The following OSBPL10 variants were observed in gnomAD, a reference collection of about 807,000 sequenced individuals.
The protein encoded by OSBPL10 is oxysterol binding protein like 10.
Under a neutral mutation model 81.7 loss-of-function variants are expected in OSBPL10, and 49 were observed. That is an observed-to-expected ratio of 0.60 (90% CI 0.48 to 0.76). The LOEUF (loss-of-function observed/expected upper bound fraction) is 0.76, where lower values mean the gene tolerates loss of function less well. OSBPL10 is among the 30% of genes least tolerant of loss of function. The pLI, the probability that OSBPL10 is intolerant of heterozygous loss-of-function variation, is 0.00. For synonymous variants in OSBPL10, 419 were observed against 383.6 expected, an observed-to-expected ratio of 1.09 and a Z score of -1.08; for missense variants, 923 against 987.8, an observed-to-expected ratio of 0.93 and a Z score of 0.88.
At chr3:31,804,386 A>G (rs1699473143) in intron 4 of OSBPL10, among the ~76,000 whole-genome samples, 1 of 152,232 alleles carries the variant, frequency 6.6e-6, no homozygotes. Context: ...GAGGGCACTC[A>G]GCTAGTCAGT....
intron 8 of OSBPL10, among the ~76,000 whole-genome samples, chr3:31,673,251 C>T (rs1033614505): frequency 6.6e-6 from 1 of 152,108 alleles, no homozygotes; most frequent in Non-Finnish European, 1.5e-5. Context: ...TGATCAGGAC[C>T]CTTGGAGAAG....
chr3:31,890,025 TCTGA>T (rs1354884041), intron 1 of OSBPL10, among the ~76,000 whole-genome samples: 1 of 151,962 alleles, frequency 6.6e-6, no homozygotes, highest in East Asian at 1.9e-4. Context: ...AAATGTGGAT[TCTGA>T]CTCTCAACCT....
At chr3:31,913,155 A>C (rs538225750) in intron 1 of OSBPL10, among the ~76,000 whole-genome samples, 1 of 152,108 alleles carries the variant, frequency 6.6e-6, no homozygotes, top group Non-Finnish European at 1.5e-5. Context: ...AGGGGACTAT[A>C]ATACCACCCC....
At chr3:31,759,307 G>A (rs1442923455) in intron 4 of OSBPL10, among the ~76,000 whole-genome samples, 6 of 152,094 alleles carry the variant, frequency 3.9e-5, no homozygotes, top group Admixed American at 3.9e-4. Flanking sequence ...ACCTGAACGG[G>A]ATCCTGAATG....
Position 31,880,390 on chromosome 3 carries a change from A to G in OSBPL10, c.282-560T>C, listed in dbSNP as rs116411097. Reference sequence around the variant, plus strand: ...TAGCAGGCCCATTCACACGAAGGCAAGGAATCCCCCTGCTCTGGGACGTTG... The same window carrying G: ...TAGCAGGCCCATTCACACGAAGGCAGGGAATCCCCCTGCTCTGGGACGTTG... On this transcript the variant is annotated intron_variant, in intron 1 of 11. Transcript: ENST00000396556. 6.6e-3 allele frequency among the ~76,000 whole-genome samples: 1,010 copies of G among 152,348 alleles called. 22 individuals are homozygous for G. The highest frequency in any genetic ancestry group is 0.011 in the South Asian group (54 of 4,830).
intron 1 of OSBPL10, among the ~76,000 whole-genome samples, chr3:31,916,077 C>T (rs1575613978): frequency 8.8e-6 from 1 of 113,962 alleles, no homozygotes; most frequent in African/African-American, 3.5e-5. Context: ...GCCTGGGTGA[C>T]AAGAGTGAAA....
chr3:31,855,195 GTT>G (rs58093141), intron 3 of OSBPL10, among the ~76,000 whole-genome samples: 1 of 151,876 alleles, frequency 6.6e-6, no homozygotes, highest in African/African-American at 2.4e-5. Context: ...TAATTTTTAA[GTT>G]TTTTTGTGCA....
Position 31,988,979 on chromosome 3 carries a change from T to G in OSBPL10, n.298+57512A>C, listed in dbSNP as rs963814909. On this transcript the variant is annotated intron_variant and non_coding_transcript_variant, in intron 2 of 3. Coordinates refer to the OSBPL10 transcript ENST00000479173. ...TGTTTGTTGCCTTAAGCCACGAAGT[T>G]TGTGATAATTTGTTTCTCGGAAACA... 3.3e-6 allele frequency: 5 copies of G among 1,493,330 alleles called. No homozygotes were observed. In the African/African-American group the frequency reaches 7.0e-5, roughly 21 times the overall value. 92.5% of individuals were successfully genotyped at this position (1,493,330 alleles called of 1,614,324 possible).
At chr3:31,842,139 G>A (rs1380018310) in intron 3 of OSBPL10, among the ~76,000 whole-genome samples, 2 of 152,184 alleles carry the variant, frequency 1.3e-5, no homozygotes, top group African/African-American at 4.8e-5. Context: ...GAACTTTAGA[G>A]CTAAAGACTG....
At chr3:31,823,201 A>G (rs1289041172) in intron 4 of OSBPL10, among the ~76,000 whole-genome samples, 1 of 152,218 alleles carries the variant, frequency 6.6e-6, no homozygotes, top group African/African-American at 2.4e-5. Flanking sequence ...CCTCTCTGAC[A>G]TACAATCCAC....
intron 4 of OSBPL10, among the ~76,000 whole-genome samples, chr3:31,807,291 T>C (rs888393417): frequency 1.3e-5 from 2 of 152,034 alleles, no homozygotes; most frequent in Non-Finnish European, 2.9e-5. Flanking sequence ...GGGAATTGCT[T>C]GAACCCAGGA....
intron 2 of OSBPL10, among the ~76,000 whole-genome samples, chr3:32,025,956 A>C (rs1268263735): frequency 6.6e-6 from 1 of 151,968 alleles, no homozygotes; most frequent in Admixed American, 6.6e-5. Context: ...GGTCTTTGCT[A>C]TACATGCCAA....
At chr3:31,914,778 C>A (rs989946887) in intron 1 of OSBPL10, among the ~76,000 whole-genome samples, 2 of 152,116 alleles carry the variant, frequency 1.3e-5, no homozygotes, top group Non-Finnish European at 2.9e-5. Flanking sequence ...ATAAAAAATT[C>A]AATCCCTCAG....
At chr3:31,992,764 C>T (rs1699047993) in intron 2 of OSBPL10, among the ~76,000 whole-genome samples, 1 of 152,224 alleles carries the variant, frequency 6.6e-6, no homozygotes, top group South Asian at 2.1e-4. Context: ...GAGGCCAAGG[C>T]AGGAACATCA....
At chr3:31,789,772 G>T (rs1458520488) in intron 4 of OSBPL10, among the ~76,000 whole-genome samples, 1 of 152,170 alleles carries the variant, frequency 6.6e-6, no homozygotes, top group African/African-American at 2.4e-5. Flanking sequence ...CCTCTGCAAG[G>T]TTCTTTCCTC....
chr3:31,856,777 G>A (rs754735962), intron 3 of OSBPL10, among the ~76,000 whole-genome samples: 9 of 152,164 alleles, frequency 5.9e-5, no homozygotes, highest in Non-Finnish European at 1.2e-4. Flanking sequence ...AGGGCTTCTT[G>A]AAAATGTTTT....
chr3:31,767,991 AG>A (rs1257657243), intron 4 of OSBPL10, among the ~76,000 whole-genome samples: 1 of 152,192 alleles, frequency 6.6e-6, no homozygotes, highest in Non-Finnish European at 1.5e-5. Context: ...AGCAGCCCTG[AG>A]GACTACTGGT....
chr3:31,917,983 A>G (rs756588263), intron 1 of OSBPL10, among the ~76,000 whole-genome samples: 5 of 152,156 alleles, frequency 3.3e-5, no homozygotes, highest in Non-Finnish European at 5.9e-5. Context: ...AGGTTAATCA[A>G]TGAATAAGTG....
upstream of OSBPL10, among the ~76,000 whole-genome samples, chr3:31,983,326 T>C (rs141499799): frequency 3.3e-5 from 5 of 152,348 alleles, no homozygotes; most frequent in African/African-American, 1.2e-4. Flanking sequence ...CTTAAGCTCC[T>C]GCTAAAAGAG....
Sources: gnomAD v4.1 joint callset for allele counts (sites outside exome capture counted in the v4.1 genomes callset) on GRCh38, gnomAD v4.1.1 for gene constraint, MANE v1.5 for transcripts, NCBI Gene and HGNC (gene_info 2026-07-23, HGNC 2026-07-21) for gene names.